Variants in HELZ observed in about 807,000 individuals in gnomAD.
HELZ encodes the protein ATP-dependent RNA helicase with zinc finger domain.
Under a neutral mutation model 218.2 loss-of-function variants are expected in HELZ, and 23 were observed. That is an observed-to-expected ratio of 0.11 (90% CI 0.08 to 0.15). HELZ has a LOEUF of 0.15. HELZ is among the 10% of genes least tolerant of loss of function. HELZ has a pLI of 1.00. For missense variants in HELZ, 1,813 were observed against 2,353.7 expected (o/e 0.77, Z 4.75); for synonymous variants, 814 against 829.4 (o/e 0.98, Z 0.32).
Position 67,218,622 on chromosome 17 carries a change from G to A in HELZ, c.183C>T (p.Leu61=). ...GTTGCAAAAATGAGGCAATTCTGTA[G>A]AGAAGACTCTCGATTTTGATGCGTT... ...EIERIKIESL[L]YRIASFLQLK... The change falls in exon 4 of 33, where the codon CTC becomes CTT. Residue 61 remains leucine (L), a synonymous_variant. Coordinates refer to ENST00000358691, the MANE Select transcript of HELZ (RefSeq NM_014877.4). 1 of 1,614,138 alleles carries A rather than the reference G, an allele frequency of 6.2e-7. No individual in the cohort carries two copies. Among genetic ancestry groups the A allele is most frequent in the Non-Finnish European group, 8.5e-7 (1 of 1,179,978 alleles).
chr17:67,244,107 C>A (rs1194094544), intron 1 of HELZ: 1 of 515,434 alleles, frequency 1.9e-6, no homozygotes, highest in Non-Finnish European at 2.5e-6. Context: ...ACCTTACTTT[C>A]AAAAACATAA....
intron 7 of HELZ, among the ~76,000 whole-genome samples, chr17:67,196,568 AGTTGGATGGATG>A (rs1323562718): frequency 8.3e-6 from 1 of 119,836 alleles, no homozygotes; most frequent in Non-Finnish European, 1.6e-5. Flanking sequence ...ATGGTTGGTT[AGTTGGATGGATG>A]GATGGATGGA....
chr17:67,132,855 T>C (rs112542118), intron 23 of HELZ, among the ~76,000 whole-genome samples: 311 of 152,366 alleles, frequency 2.0e-3, no homozygotes, highest in African/African-American at 7.1e-3. Flanking sequence ...ACTTGATTGA[T>C]ATTTGGGAAT....
intron 1 of HELZ, chr17:67,244,878 TC>T: frequency 1.3e-5 from 13 of 985,574 alleles, no homozygotes; most frequent in Non-Finnish European, 1.6e-5. Context: ...AGGCCCCCTC[TC>T]CTGCCAGGGC....
intron 1 of HELZ, chr17:67,244,495 T>C (rs560479021): frequency 1.1e-5 from 6 of 558,980 alleles, no homozygotes; most frequent in East Asian, 2.9e-4. Context: ...GGTACTGGAG[T>C]ACTCTCAAGG....
intron 31 of HELZ, among the ~76,000 whole-genome samples, chr17:67,089,694 G>GAGAGAGAGAGAGAGAGAGAGAGAGAC (rs776184027): frequency 8.8e-4 from 89 of 100,630 alleles, no homozygotes; most frequent in South Asian, 1.9e-3. Context: ...GAGAGAGAGA[G>GAGAGAGAGAGAGAGAGAGAGAGAGAC]AGAGAGACAG....
At position 67,148,673 on chromosome 17, in the gene HELZ, G is replaced by C; in HGVS notation, c.2517C>G (p.Asn839Lys). ...GTCGGTCAAGTAATGAAACGTGAAG[G>C]TTTCTCTCCCTGGCAAACTCGCTGT... ...FVYSEFARER[N>K]LHVSLLDRLY... Residue 839 changes from asparagine to lysine, a missense_variant, in exon 20 of 33, where the codon AAC becomes AAG. By Grantham distance (94) the Asn-to-Lys change is moderately conservative (BLOSUM62 0). This residue lies in a region of HELZ where 714 missense variants were observed against 1,029.2 expected (regional missense o/e 0.69). Coordinates refer to ENST00000358691, the MANE Select transcript of HELZ (RefSeq NM_014877.4). The C allele has an allele frequency of 6.2e-7, 1 of 1,613,610 alleles. No individual in the cohort carries two copies. The highest frequency in any genetic ancestry group is 8.5e-7 in the Non-Finnish European group (1 of 1,179,708).
intron 3 of HELZ, among the ~76,000 whole-genome samples, chr17:67,228,472 G>A (rs528080960): frequency 2.0e-4 from 31 of 152,066 alleles, no homozygotes; most frequent in African/African-American, 7.2e-4. Context: ...GACCAGCCAG[G>A]GCAACATGGC....
chr17:67,151,175 G>T lies in HELZ; in HGVS notation c.2227C>A (p.Gln743Lys). ...WVKTVHPVVH[Q>K]YCLISSAHST... is the part of the protein sequence containing the mutation. ...TGTGCGCTTGAGATCAAACAGTACT[G>T]ATGCACAACTGGGTGGACAGTCTTT... The change falls in exon 18 of 33, where the codon CAG (glutamine) becomes AAG (lysine). Residue 743 changes from glutamine (Q) to lysine (K), a missense_variant. By Grantham distance (53) the Gln-to-Lys change is moderately conservative (BLOSUM62 1). Coordinates refer to ENST00000358691, the MANE Select transcript of HELZ (RefSeq NM_014877.4). 6.2e-7 allele frequency: 1 copy of T among 1,613,900 alleles called. No individual in the cohort carries two copies. The highest frequency in any genetic ancestry group is 1.1e-5 in the South Asian group (1 of 91,048).
intron 20 of HELZ, 99 bp from the exon 21 acceptor site, chr17:67,145,989 T>A: frequency 9.7e-7 from 1 of 1,026,040 alleles, no homozygotes; most frequent in Non-Finnish European, 1.4e-6. Context: ...TAATATTGCC[T>A]TATGTCCATG....
chr17:67,148,409 G>C (rs146653398), intron 20 of HELZ, among the ~76,000 whole-genome samples, 160 bp downstream of exon 20: 27 of 152,300 alleles, frequency 1.8e-4, no homozygotes, highest in East Asian at 1.5e-3. Context: ...GACTTCTGAA[G>C]TTTTCTTTTA....
Position 67,138,001 on chromosome 17 carries a change from A to G in HELZ, c.2883T>C (p.Phe961=). ...TTTTTCGAAGTTCAGCACGTATTCT[A>G]AACACTTGATCAGCATATGGAGTCA... ...GVVTPYADQV[F]RIRAELRKKR... Residue 961 remains phenylalanine, a synonymous_variant, in exon 22 of 33, where the codon TTT becomes TTC. Coordinates refer to ENST00000358691, the MANE Select transcript of HELZ (RefSeq NM_014877.4). 1 of 1,613,856 alleles carries G rather than the reference A, an allele frequency of 6.2e-7. No homozygotes were observed. The highest frequency in any genetic ancestry group is 8.5e-7 in the Non-Finnish European group (1 of 1,179,812).
At chr17:67,138,620 A>G (rs2038224921) in intron 21 of HELZ, among the ~76,000 whole-genome samples, 1 of 152,212 alleles carries the variant, frequency 6.6e-6, no homozygotes, top group Non-Finnish European at 1.5e-5. Context: ...AGACCAGCCA[A>G]CAGCCACCAA....
At chr17:67,206,897 TTTTTTTG>T (rs1417859493) in intron 5 of HELZ, among the ~76,000 whole-genome samples, 1 of 122,072 alleles carries the variant, frequency 8.2e-6, no homozygotes, top group African/African-American at 3.2e-5. Context: ...CTATGCCGGG[TTTTTTTG>T]TTTTTTGTTT....
chr17:67,161,182 G>A, intron 15 of HELZ, 106 bp from the exon 16 acceptor site: 1 of 757,720 alleles, frequency 1.3e-6, no homozygotes, highest in Non-Finnish European at 2.1e-6. Context: ...CACTGAAATA[G>A]CATAGCATCT....
At chr17:67,183,542 T>C (rs531710712) in intron 12 of HELZ, among the ~76,000 whole-genome samples, 5 of 152,310 alleles carry the variant, frequency 3.3e-5, no homozygotes, top group South Asian at 4.1e-4. Flanking sequence ...AATGTTAACA[T>C]AGATAGCTAG....
chr17:67,190,027 A>T, intron 10 of HELZ, 130 bp downstream of exon 10: 1 of 743,516 alleles, frequency 1.3e-6, no homozygotes, highest in Non-Finnish European at 2.2e-6. Context: ...TACTAAAAAC[A>T]TCATTCTATC....
At chr17:67,184,543 A>C (rs1358873649) in intron 12 of HELZ, among the ~76,000 whole-genome samples, 1 of 152,180 alleles carries the variant, frequency 6.6e-6, no homozygotes, top group African/African-American at 2.4e-5. Context: ...TCATGCCTAT[A>C]ATCTCAGCAC....
At chr17:67,217,931 T>TTG (rs2040646359) in intron 4 of HELZ, among the ~76,000 whole-genome samples, 1 of 120,820 alleles carries the variant, frequency 8.3e-6, no homozygotes, top group African/African-American at 4.7e-5. Context: ...TTTTTTGTTG[T>TTG]TTTTTTTTTT....
Sources: gnomAD v4.1 joint callset for allele counts (sites outside exome capture counted in the v4.1 genomes callset) on GRCh38, gnomAD v4.1.1 for gene constraint, gnomAD v4.1.1 regional missense constraint, MANE v1.5 for transcripts, NCBI Gene and HGNC (gene_info 2026-07-23, HGNC 2026-07-21) for gene names.